Variants in NME7 observed in about 807,000 individuals in gnomAD.
The protein encoded by NME7 is nucleoside diphosphate kinase 7.
Under a neutral mutation model 49.1 loss-of-function variants are expected in NME7, and 41 were observed. That is an observed-to-expected ratio of 0.83 (90% CI 0.65 to 1.08). The LOEUF is 1.08. Among genes scored for constraint, NME7 ranks in the 50% least tolerant of loss-of-function variants. NME7 has a pLI of 0.00. For missense variants in NME7, 423 were observed against 463.4 expected (o/e 0.91, Z 0.80); for synonymous variants, 139 against 150.6 (o/e 0.92, Z 0.56).
chr1:169,209,886 G>A (rs1660765664), intron 10 of NME7, among the ~76,000 whole-genome samples: 1 of 152,206 alleles, frequency 6.6e-6, no homozygotes, highest in Admixed American at 6.6e-5. Flanking sequence ...CAGAATAAAT[G>A]AAAATCTTTC....
chr1:169,338,070 T>C (rs1446678468), intron 1 of NME7, among the ~76,000 whole-genome samples: 1 of 152,178 alleles, frequency 6.6e-6, no homozygotes, highest in Non-Finnish European at 1.5e-5. Context: ...CATTTCTCAT[T>C]AATAAAGGAA....
chr1:169,348,554 TAAA>T (rs1045262051), intron 1 of NME7, among the ~76,000 whole-genome samples: 1 of 152,144 alleles, frequency 6.6e-6, no homozygotes, highest in African/African-American at 2.4e-5. Flanking sequence ...TCAATATGAT[TAAA>T]ATTAATAAGC....
At chr1:169,253,755 G>C (rs1285578803) in intron 7 of NME7, among the ~76,000 whole-genome samples, 1 of 151,988 alleles carries the variant, frequency 6.6e-6, no homozygotes, top group Non-Finnish European at 1.5e-5. Context: ...CTAATTTATT[G>C]AGAGTTTTTA....
intron 7 of NME7, among the ~76,000 whole-genome samples, chr1:169,274,238 G>T (rs1328895335): frequency 7.5e-6 from 1 of 133,806 alleles, no homozygotes; most frequent in African/African-American, 2.5e-5. Context: ...ATTTTTTCAT[G>T]TGTCTTTTGG....
At position 169,273,461 on chromosome 1, in the gene NME7, A is replaced by G. The variant is rs1032588778; in HGVS notation, c.754+13842T>C. On this transcript the variant is annotated intron_variant, in intron 7 of 11. Transcript: ENST00000367811. ...CACTTTCTTTTCTATTTTTTTCTTA[A>G]TTTTTTTTTATTATTATACTTTAAG... Among the ~76,000 whole-genome samples, 5 of 128,348 alleles carry G rather than the reference A, an allele frequency of 3.9e-5. 1 individual carries two copies. The highest frequency in any genetic ancestry group is 9.2e-5 in the Non-Finnish European group (5 of 54,572). The allele number at this position is 128,348 out of a possible 152,430, so 84.2% of individuals were successfully genotyped here. A position where few individuals can be genotyped will look rare whatever the true frequency, so the allele number is the denominator to read the frequency against.
intron 1 of NME7, among the ~76,000 whole-genome samples, chr1:169,354,922 A>G (rs1653333092): frequency 1.7e-5 from 2 of 117,796 alleles, no homozygotes; most frequent in Non-Finnish European, 3.3e-5. Flanking sequence ...AATAAAATAT[A>G]TAATATATCT....
intron 10 of NME7, among the ~76,000 whole-genome samples, chr1:169,183,099 A>G (rs1281252353): frequency 6.6e-6 from 1 of 152,236 alleles, no homozygotes; most frequent in Non-Finnish European, 1.5e-5. Context: ...TTGATTGAGG[A>G]TAATATTACT....
chr1:169,273,721 T>C (rs1318980209), intron 7 of NME7, among the ~76,000 whole-genome samples: 2 of 126,154 alleles, frequency 1.6e-5, no homozygotes, highest in Non-Finnish European at 3.7e-5. Context: ...GTTTGGTTTT[T>C]TGTCCTTGCG....
At chr1:169,335,665 AT>A (rs1327951203) in intron 1 of NME7, among the ~76,000 whole-genome samples, 1 of 149,000 alleles carries the variant, frequency 6.7e-6, no homozygotes, top group African/African-American at 2.5e-5. Flanking sequence ...ATGTATCCTG[AT>A]TTTTTTAGAA....
intron 11 of NME7, among the ~76,000 whole-genome samples, chr1:169,143,266 C>T (rs12724494): frequency 0.43 from 60,712 of 141,718 alleles, 13,613 homozygotes; most frequent in East Asian, 0.79. Flanking sequence ...TCCAGTGTCA[C>T]CTCAGGCTTT....
At chr1:169,337,743 T>C (rs575194064) in intron 1 of NME7, among the ~76,000 whole-genome samples, 1 of 152,252 alleles carries the variant, frequency 6.6e-6, no homozygotes, top group South Asian at 2.1e-4. Flanking sequence ...ACAATAGAAA[T>C]AAAAACACAA....
chr1:169,366,177 A>G (rs560962991), intron 1 of NME7, among the ~76,000 whole-genome samples: 67 of 152,368 alleles, frequency 4.4e-4, no homozygotes, highest in African/African-American at 1.5e-3. Flanking sequence ...CCAAAGAATG[A>G]CATTCAAAAA....
intron 10 of NME7, among the ~76,000 whole-genome samples, chr1:169,224,111 G>A (rs1661229998): frequency 6.6e-6 from 1 of 152,026 alleles, no homozygotes; most frequent in Non-Finnish European, 1.5e-5. Flanking sequence ...TCAATATCCT[G>A]ACCCAGGCGA....
chr1:169,349,636 A>G (rs1653079089), intron 1 of NME7, among the ~76,000 whole-genome samples: 1 of 152,104 alleles, frequency 6.6e-6, no homozygotes, highest in African/African-American at 2.4e-5. Context: ...TTAATCCACA[A>G]TGTATGTCTA....
Position 169,298,596 on chromosome 1 carries a change from T to C in NME7, c.608A>G (p.Asn203Ser). Residue 203 changes from asparagine (N) to serine (S), a missense_variant, in exon 6 of 12, where the codon AAT becomes AGT. By Grantham distance (46) the Asn-to-Ser change is conservative (BLOSUM62 1). Transcript: ENST00000367811. ...AAAAGAATCAGGGCCATGCGCTGCA[T>C]TTCTTATGCCATCTGTTCCAAAGAG... is the stretch of plus-strand genomic sequence containing the variant. ...RALFGTDGIRNAAHGPDSFAS... is the reference protein window; with the variant it reads ...RALFGTDGIRSAAHGPDSFAS... The C allele has an allele frequency of 6.2e-7, 1 of 1,613,956 alleles. No homozygotes were observed. Among genetic ancestry groups the C allele is most frequent in the Non-Finnish European group, 8.5e-7 (1 of 1,179,878 alleles).
intron 6 of NME7, among the ~76,000 whole-genome samples, chr1:169,292,727 A>G (rs749821158): frequency 6.6e-6 from 1 of 152,134 alleles, no homozygotes; most frequent in Non-Finnish European, 1.5e-5. Context: ...ACGGATTAAT[A>G]TTTTTAGACA....
chr1:169,184,426 C>T (rs577600018), intron 10 of NME7, among the ~76,000 whole-genome samples: 1 of 152,176 alleles, frequency 6.6e-6, no homozygotes, highest in Non-Finnish European at 1.5e-5. Flanking sequence ...TTTGACAGTA[C>T]CTCAAACACA....
chr1:169,360,082 T>C (rs933562744), intron 1 of NME7, among the ~76,000 whole-genome samples: 2 of 152,210 alleles, frequency 1.3e-5, no homozygotes, highest in African/African-American at 2.4e-5. Context: ...TCATATGCTA[T>C]AGCAGCATCA....
chr1:169,355,119 AC>A lies in NME7; in HGVS notation c.3+12588del, dbSNP rs1653371094. Among the ~76,000 whole-genome samples the A allele has an allele frequency of 2.3e-4, 11 of 47,882 alleles. 1 individual carries two copies. The highest frequency in any genetic ancestry group is 8.4e-4 in the African/African-American group (9 of 10,760). 31.4% of individuals were successfully genotyped at this position (47,882 alleles called of 152,430 possible). ...ATATTATAGATATAATATATAATAT[AC>A]TATATATTATAGATATAATATATAA... is the stretch of plus-strand genomic sequence containing the variant. On this transcript the variant is annotated intron_variant, in intron 1 of 11. Coordinates refer to ENST00000367811, the MANE Select transcript of NME7 (RefSeq NM_013330.5).
Sources: allele counts gnomAD v4.1 joint callset (sites outside exome capture counted in the v4.1 genomes callset), GRCh38; gene constraint gnomAD v4.1.1; transcripts MANE v1.5; gene names NCBI Gene and HGNC (gene_info 2026-07-23, HGNC 2026-07-21).